Variants in IL17RD observed in about 807,000 individuals in gnomAD.
The protein encoded by IL17RD is interleukin-17 receptor D.
A neutral mutation model predicts 80.5 loss-of-function variants in IL17RD; 52 were observed. The observed-to-expected ratio is 0.65, with a 90% CI of 0.52 to 0.81. IL17RD has a LOEUF of 0.81. Among genes scored for constraint, IL17RD ranks in the 40% least tolerant of loss-of-function variants. The pLI is 0.00. For missense variants in IL17RD, 1,024 were observed against 955.1 expected, an observed-to-expected ratio of 1.07 and a Z score of -0.95; for synonymous variants, 416 against 391.8, an observed-to-expected ratio of 1.06 and a Z score of -0.73.
At chr3:57,146,084 CACAT>C (rs1468658066) in intron 1 of IL17RD, among the ~76,000 whole-genome samples, 3 of 152,178 alleles carry the variant, frequency 2.0e-5, no homozygotes, top group African/African-American at 4.8e-5. Flanking sequence ...TGCACACACA[CACAT>C]ACAAAGGAAC....
chr3:57,091,697 T>C lies in IL17RD; in HGVS notation c.*4696A>G, dbSNP rs1238463506. 1.3e-5 allele frequency: 2 copies of C among 152,560 alleles called. No individual in the cohort carries two copies. The highest frequency in any genetic ancestry group is 2.9e-5 in the Non-Finnish European group (2 of 68,044). The allele number at this position is 152,560 out of a possible 1,614,324, so 9.5% of individuals were successfully genotyped here. On this transcript the variant is annotated 3_prime_UTR_variant, in exon 13 of 13. Transcript: ENST00000296318. ...ATACATGGAAGGTGACCAGCTGTTC[T>C]TTCTCCACTACAAGCCGAACAAAAG... is the stretch of plus-strand genomic sequence containing the variant.
Position 57,153,540 on chromosome 3 carries a change from C to T in IL17RD, c.126+11621G>A, listed in dbSNP as rs186161429. The stretch of plus-strand genomic sequence containing the variant: ...CAGGACATCAAAAAGCAATGAGTGA[C>T]CCTTCTCTGCCCCCTAGAATGTGAT... On this transcript the variant is annotated intron_variant, in intron 1 of 12. Transcript: ENST00000296318. Among the ~76,000 whole-genome samples, 30 of 152,288 alleles carry T rather than the reference C, an allele frequency of 2.0e-4. No individual in the cohort carries two copies. In the Middle Eastern group the frequency reaches 0.02, roughly 104 times the overall value.
In IL17RD at chr3:57,110,262, C is replaced by T. The variant is rs769728004; in HGVS notation, c.360G>A (p.Ser120=). ...GFRVILEELK[S]EGRQCQQLIL... The stretch of plus-strand genomic sequence containing the variant: ...TCAGTTGTTGGCACTGTCTTCCCTC[C>T]GACTTCAGCTCCTCCAGTATTACCC... The change falls in exon 4 of 13, where the codon TCG becomes TCA. Residue 120 remains serine (S), a synonymous_variant. Coordinates refer to ENST00000296318, the MANE Select transcript of IL17RD (RefSeq NM_017563.5). 7 of 1,609,438 alleles carry T rather than the reference C, an allele frequency of 4.3e-6. No homozygotes were observed. The highest frequency in any genetic ancestry group is 4.0e-5 in the African/African-American group (3 of 74,994).
In IL17RD at chr3:57,091,033, T is replaced by C. The variant is rs1480268011; in HGVS notation, c.*5360A>G. The stretch of plus-strand genomic sequence containing the variant: ...AACTGGCCAAAATTCCCCAGACATC[T>C]TCACTGGGAGATTCAAATGTCTTTG... On this transcript the variant is annotated 3_prime_UTR_variant, in exon 13 of 13. Coordinates refer to ENST00000296318, the MANE Select transcript of IL17RD (RefSeq NM_017563.5). 1 of 152,680 alleles carries C rather than the reference T, an allele frequency of 6.5e-6. No homozygotes were observed. Among genetic ancestry groups the C allele is most frequent in the East Asian group, 1.9e-4 (1 of 5,186 alleles). 9.5% of individuals were successfully genotyped at this position (152,680 alleles called of 1,614,324 possible).
intron 1 of IL17RD, among the ~76,000 whole-genome samples, chr3:57,149,631 G>T (rs1162480319): frequency 6.6e-6 from 1 of 152,210 alleles, no homozygotes; most frequent in Non-Finnish European, 1.5e-5. Flanking sequence ...CAGTTCCTTA[G>T]TTGTGCTAGC....
chr3:57,129,669 G>A (rs149941349), intron 1 of IL17RD, among the ~76,000 whole-genome samples: 1 of 152,118 alleles, frequency 6.6e-6, no homozygotes, highest in African/African-American at 2.4e-5. Context: ...GGTGGATTTC[G>A]CATATTTGGA....
chr3:57,114,843 G>T, intron 2 of IL17RD, 26 bp from the exon 3 acceptor site: 1 of 1,507,108 alleles, frequency 6.6e-7, no homozygotes, highest in Non-Finnish European at 8.9e-7. Flanking sequence ...AATGAGAACA[G>T]TTAAATTTAA....
chr3:57,109,798 G>C (rs1415151530), intron 4 of IL17RD, 141 bp from the exon 5 acceptor site: 3 of 863,024 alleles, frequency 3.5e-6, no homozygotes, highest in African/African-American at 3.4e-5. Flanking sequence ...CAGGAAGTCA[G>C]GTCTAGTTTC....
chr3:57,095,020 G>C lies in IL17RD; in HGVS notation c.*1373C>G, dbSNP rs1706639804. ...ACCTGCCATGCATGTGCTTGGAAGG[G>C]AAAGTCCTGCCCCATCCCACCTCCC... On this transcript the variant is annotated 3_prime_UTR_variant, in exon 13 of 13. Transcript: ENST00000296318. 6.6e-6 allele frequency: 1 copy of C among 152,612 alleles called. No individual in the cohort carries two copies. The highest frequency in any genetic ancestry group is 2.4e-5 in the African/African-American group (1 of 41,452). 9.5% of individuals were successfully genotyped at this position (152,612 alleles called of 1,614,324 possible). A position where few individuals can be genotyped will look rare whatever the true frequency, so the allele number is the denominator to read the frequency against.
chr3:57,097,222 G>A (rs1560192561), intron 12 of IL17RD, among the ~76,000 whole-genome samples: 1 of 151,926 alleles, frequency 6.6e-6, no homozygotes, highest in Non-Finnish European at 1.5e-5. Context: ...CAATGGGGGC[G>A]GGGGGTGTGA....
At chr3:57,120,429 C>T in intron 1 of IL17RD, 116 bp from the exon 2 acceptor site, 1 of 717,092 alleles carries the variant, frequency 1.4e-6, no homozygotes, top group South Asian at 1.6e-5. Context: ...ATGCCAGTCC[C>T]CGGACATCAT....
rs1448682654 is a variant in IL17RD at position 57,103,156 on chromosome 3, G to A, written c.814-11C>T. The A allele has an allele frequency of 6.3e-7, 1 of 1,596,770 alleles. No homozygotes were observed. The highest frequency in any genetic ancestry group is 8.5e-7 in the Non-Finnish European group (1 of 1,170,526). On this transcript the variant is annotated splice_polypyrimidine_tract_variant and intron_variant, in intron 8 of 12. Transcript: ENST00000296318. The stretch of plus-strand genomic sequence containing the variant: ...AGTGTCATCCACCAGCTGCAAAACA[G>A]AGGATGCTGCATTATTTTTTTTTAA...
At chr3:57,134,864 A>C (rs1559480036) in intron 1 of IL17RD, 6 of 342,722 alleles carry the variant, frequency 1.8e-5, no homozygotes, top group Non-Finnish European at 2.3e-5. Flanking sequence ...CTGCAATCCC[A>C]GCACTTTGAG....
chr3:57,102,422 G>A, intron 10 of IL17RD, 57 bp downstream of exon 10: 1 of 946,662 alleles, frequency 1.1e-6, no homozygotes, highest in Non-Finnish European at 1.5e-6. Flanking sequence ...TCTTTCTCTT[G>A]GCAGCACCCC....
chr3:57,109,791 G>C (rs1214218369), intron 4 of IL17RD, 134 bp from the exon 5 acceptor site: 1 of 894,826 alleles, frequency 1.1e-6, no homozygotes, highest in Non-Finnish European at 1.7e-6. Flanking sequence ...AGGGAAGCAG[G>C]AAGTCAGGTC....
chr3:57,134,471 TAAG>T (rs1221937093), intron 1 of IL17RD: 2 of 890,456 alleles, frequency 2.2e-6, no homozygotes, highest in Non-Finnish European at 3.7e-6. Context: ...ACTGTGAATC[TAAG>T]AAGATTGATC....
chr3:57,093,133 A>C lies in IL17RD; in HGVS notation c.*3260T>G, dbSNP rs531869702. On this transcript the variant is annotated 3_prime_UTR_variant, in exon 13 of 13. Coordinates refer to ENST00000296318, the MANE Select transcript of IL17RD (RefSeq NM_017563.5). ...CCCCACCATTCCCTATTGCTGACAC[A>C]GACAAAGTATATTAATTACCATTTA... The C allele has an allele frequency of 7.9e-5, 12 of 152,326 alleles. No individual in the cohort carries two copies. The highest frequency in any genetic ancestry group is 7.2e-4 in the Admixed American group (11 of 15,300). 9.4% of individuals were successfully genotyped at this position (152,326 alleles called of 1,614,324 possible).
At chr3:57,100,062 C>A (rs1234180008) in intron 11 of IL17RD, among the ~76,000 whole-genome samples, 1 of 152,198 alleles carries the variant, frequency 6.6e-6, no homozygotes, top group Admixed American at 6.5e-5. Context: ...ATTTATCATC[C>A]TTTTCTAGTT....
At chr3:57,144,338 A>C (rs899676868) in intron 1 of IL17RD, among the ~76,000 whole-genome samples, 4 of 152,034 alleles carry the variant, frequency 2.6e-5, no homozygotes, top group African/African-American at 9.7e-5. Context: ...TCCTTTCCCT[A>C]GCCGTTCACC....
Sources: gnomAD v4.1 joint callset for allele counts (sites outside exome capture counted in the v4.1 genomes callset) on GRCh38, gnomAD v4.1.1 for gene constraint, MANE v1.5 for transcripts, NCBI Gene and HGNC (gene_info 2026-07-23, HGNC 2026-07-21) for gene names.